Variants in NRG3 observed in about 807,000 individuals in gnomAD.
NRG3 encodes neuregulin 3.
NRG3 carries 31 observed loss-of-function variants against 66.9 expected under a neutral mutation model. The ratio of observed to expected loss-of-function variants is 0.46; its 90% confidence interval spans 0.35 to 0.63. NRG3 has a LOEUF of 0.63. NRG3 is among the 20% of genes least tolerant of loss of function. The probability of loss-of-function intolerance (pLI) is 0.00; values close to 1 mark genes in which losing one functional copy is unlikely to be tolerated. For synonymous variants in NRG3, 393 were observed against 359.4 expected, an observed-to-expected ratio of 1.09 and a Z score of -1.06; for missense variants, 910 against 878.9, an observed-to-expected ratio of 1.04 and a Z score of -0.45.
intron 2 of NRG3, among the ~76,000 whole-genome samples, chr10:82,384,975 G>A (rs906268636): frequency 6.6e-6 from 1 of 152,056 alleles, no homozygotes; most frequent in Non-Finnish European, 1.5e-5. Context: ...CCATTCTCCA[G>A]CATCTGTTGT....
At chr10:82,605,379 A>T (rs1028829644) in intron 2 of NRG3, among the ~76,000 whole-genome samples, 1 of 152,052 alleles carries the variant, frequency 6.6e-6, no homozygotes, top group Admixed American at 6.6e-5. Flanking sequence ...GATAGATTAC[A>T]TTAACAGATT....
At chr10:82,566,356 C>T (rs1249095351) in intron 2 of NRG3, among the ~76,000 whole-genome samples, 1 of 151,636 alleles carries the variant, frequency 6.6e-6, no homozygotes, top group South Asian at 2.1e-4. Context: ...TTTTCAGAAT[C>T]GAAGAAAAAT....
At chr10:82,811,908 T>A (rs1309327342) in intron 3 of NRG3, among the ~76,000 whole-genome samples, 1 of 152,188 alleles carries the variant, frequency 6.6e-6, no homozygotes, top group African/African-American at 2.4e-5. Flanking sequence ...TGAATAAACA[T>A]GTAAAACACC....
chr10:81,993,852 G>A (rs1270296303), intron 1 of NRG3, among the ~76,000 whole-genome samples: 1 of 152,114 alleles, frequency 6.6e-6, no homozygotes, highest in Non-Finnish European at 1.5e-5. Context: ...CATTGAGAAA[G>A]CCCATGAAGC....
rs187674463 is a variant in NRG3 at position 82,680,625 on chromosome 10, G to A, written c.954-57952G>A. On this transcript the variant is annotated intron_variant, in intron 2 of 8. Coordinates refer to ENST00000372141, the MANE Select transcript of NRG3 (RefSeq NM_001010848.4). ...AGGAAGGACCAAGATTTCCAGGAGT[G>A]TTCTGTGTTTATGAATCGCTGTTGA... 6.4e-4 allele frequency among the ~76,000 whole-genome samples: 97 copies of A among 152,220 alleles called. 1 individual carries two copies. The highest frequency in any genetic ancestry group is 7.9e-4 in the Non-Finnish European group (54 of 68,010).
intron 2 of NRG3, among the ~76,000 whole-genome samples, chr10:82,532,040 A>C (rs1847319657): frequency 6.6e-6 from 1 of 151,836 alleles, no homozygotes; most frequent in Non-Finnish European, 1.5e-5. Context: ...ATATTTAAGG[A>C]GTATATGTGA....
chr10:82,527,015 C>T (rs970609533), intron 2 of NRG3, among the ~76,000 whole-genome samples: 6 of 151,978 alleles, frequency 3.9e-5, no homozygotes, highest in African/African-American at 1.2e-4. Flanking sequence ...CCAGCAATCT[C>T]ACATCAAGAA....
intron 1 of NRG3, among the ~76,000 whole-genome samples, chr10:82,349,704 A>G (rs561064725): frequency 1.3e-5 from 2 of 152,138 alleles, no homozygotes; most frequent in African/African-American, 2.4e-5. Flanking sequence ...CTGCTGTGCT[A>G]GCAATCAGGG....
At chr10:82,325,070 T>C (rs1317378983) in intron 1 of NRG3, among the ~76,000 whole-genome samples, 1 of 152,228 alleles carries the variant, frequency 6.6e-6, no homozygotes, top group East Asian at 1.9e-4. Flanking sequence ...TTTTGCTTCA[T>C]ATATTTTGAA....
chr10:82,855,071 A>C (rs1403701203), intron 3 of NRG3, among the ~76,000 whole-genome samples: 2 of 152,088 alleles, frequency 1.3e-5, no homozygotes, highest in South Asian at 4.1e-4. Context: ...GGTGTTATCC[A>C]TGACGGGAAG....
intron 2 of NRG3, among the ~76,000 whole-genome samples, chr10:82,430,094 T>A (rs1017374258): frequency 6.6e-6 from 1 of 152,284 alleles, no homozygotes; most frequent in Admixed American, 6.5e-5. Context: ...TTTATTTCTT[T>A]GGATGTGGTT....
intron 1 of NRG3, among the ~76,000 whole-genome samples, chr10:82,293,709 G>A (rs1369069373): frequency 6.6e-6 from 1 of 151,918 alleles, no homozygotes; most frequent in Non-Finnish European, 1.5e-5. Context: ...TCTTGTTAAA[G>A]TTTCTGAGTC....
chr10:82,973,365 A>T (rs1393164408), intron 6 of NRG3, among the ~76,000 whole-genome samples: 1 of 152,232 alleles, frequency 6.6e-6, no homozygotes, highest in East Asian at 1.9e-4. Flanking sequence ...GTCTTTCATC[A>T]TTCTCAGAAT....
intron 1 of NRG3, among the ~76,000 whole-genome samples, chr10:82,102,615 T>C (rs2066829812): frequency 6.6e-6 from 1 of 151,838 alleles, no homozygotes; most frequent in African/African-American, 2.4e-5. Context: ...GGGATATATA[T>C]TTTATATTAT....
At chr10:82,920,608 A>G (rs999271066) in intron 4 of NRG3, among the ~76,000 whole-genome samples, 2 of 152,122 alleles carry the variant, frequency 1.3e-5, no homozygotes, top group Non-Finnish European at 2.9e-5. Flanking sequence ...ACTATTTTCC[A>G]ATTTTTACTG....
chr10:82,182,683 TTATAG>T (rs1332676321), intron 1 of NRG3, among the ~76,000 whole-genome samples: 14 of 151,960 alleles, frequency 9.2e-5, no homozygotes, highest in Admixed American at 9.2e-4. Context: ...GCTTACAGTA[TTATAG>T]TATTGTATAT....
chr10:82,258,139 A>T (rs775926356), intron 1 of NRG3, among the ~76,000 whole-genome samples: 1 of 152,218 alleles, frequency 6.6e-6, no homozygotes, highest in Non-Finnish European at 1.5e-5. Flanking sequence ...GCAGTGCTGT[A>T]GGTGCTGTAC....
intron 1 of NRG3, among the ~76,000 whole-genome samples, chr10:81,931,292 G>T (rs1342112335): frequency 6.6e-6 from 1 of 152,030 alleles, no homozygotes; most frequent in Non-Finnish European, 1.5e-5. Flanking sequence ...TTGATCCAAG[G>T]GATCATGAAT....
chr10:82,559,358 G>T (rs1487571630), intron 2 of NRG3, among the ~76,000 whole-genome samples: 2 of 152,174 alleles, frequency 1.3e-5, no homozygotes, highest in Non-Finnish European at 2.9e-5. Context: ...CTTCCATGAA[G>T]GAAAAGAGAA....
Sources: allele counts gnomAD v4.1 joint callset (sites outside exome capture counted in the v4.1 genomes callset), GRCh38; gene constraint gnomAD v4.1.1; transcripts MANE v1.5; gene names NCBI Gene and HGNC (gene_info 2026-07-23, HGNC 2026-07-21).